TMEM131: variants seen among roughly 807,000 people sequenced by gnomAD.
TMEM131 encodes 2610524E03Rik.
In TMEM131, 66 loss-of-function variants were observed where a neutral mutation model predicts 211.6. The observed-to-expected ratio is 0.31, with a 90% confidence interval of 0.26 to 0.38. TMEM131 has a LOEUF of 0.38. Among genes scored for constraint, TMEM131 ranks in the 10% least tolerant of loss-of-function variants. TMEM131 has a pLI of 1.00. For synonymous variants in TMEM131, 844 were observed against 841.3 expected (o/e 1.00, Z -0.06); for missense variants, 2,036 against 2,299.3 (o/e 0.89, Z 2.34).
chr2:97,832,540 C>T (rs1357060157), intron 11 of TMEM131, among the ~76,000 whole-genome samples: 1 of 152,184 alleles, frequency 6.6e-6, no homozygotes, highest in East Asian at 1.9e-4. Flanking sequence ...GTCTACTCCA[C>T]CAGCTGGTGA....
chr2:97,942,964 AAAAG>A lies in TMEM131; in HGVS notation c.188-15481_188-15478del, dbSNP rs201054611. Among the ~76,000 whole-genome samples the A allele has an allele frequency of 3.1e-3, 448 of 146,060 alleles. 6 individuals are homozygous for A. Among genetic ancestry groups the A allele is most frequent in the African/African-American group, 8.5e-3 (331 of 39,056 alleles). On this transcript the variant is annotated intron_variant, in intron 1 of 40. Transcript: ENST00000186436. The stretch of plus-strand genomic sequence containing the variant: ...TAGCAACATACCATGGCTACAAAAA[AAAAG>A]AAAGAAAGAAAGAAAGAAAAGAAAG...
intron 40 of TMEM131, among the ~76,000 whole-genome samples, chr2:97,757,800 T>C (rs1019051435): frequency 6.6e-6 from 1 of 152,250 alleles, no homozygotes; most frequent in African/African-American, 2.4e-5. Context: ...CATCGGCCTG[T>C]GCACTGCAAT....
intron 30 of TMEM131, 54 bp downstream of exon 30, chr2:97,793,341 T>G: frequency 6.6e-7 from 1 of 1,517,806 alleles, no homozygotes; most frequent in South Asian, 1.3e-5. Flanking sequence ...TATTGTAATT[T>G]TATCAGCCAA....
At chr2:97,967,992 C>T (rs1390878033) in intron 1 of TMEM131, among the ~76,000 whole-genome samples, 1 of 151,842 alleles carries the variant, frequency 6.6e-6, no homozygotes, top group Non-Finnish European at 1.5e-5. Context: ...TGTCTTACTG[C>T]CTAAGACCTC....
intron 7 of TMEM131, among the ~76,000 whole-genome samples, chr2:97,841,493 G>A (rs1241615555): frequency 1.3e-5 from 2 of 152,126 alleles, no homozygotes; most frequent in Non-Finnish European, 2.9e-5. Flanking sequence ...AGTGTTTACA[G>A]GCAAGAAAAA....
chr2:97,885,569 C>T (rs1675120206), intron 4 of TMEM131, among the ~76,000 whole-genome samples: 2 of 152,014 alleles, frequency 1.3e-5, no homozygotes, highest in South Asian at 2.1e-4. Context: ...ACAGGTCCCC[C>T]ACCCCCACTT....
At chr2:97,793,779 G>C (rs911519169) in intron 29 of TMEM131, among the ~76,000 whole-genome samples, 1 of 151,358 alleles carries the variant, frequency 6.6e-6, no homozygotes, top group African/African-American at 2.4e-5. Flanking sequence ...TGGATCACGA[G>C]GTCAGGAGAT....
chr2:97,942,742 A>T (rs1677800779), intron 1 of TMEM131, among the ~76,000 whole-genome samples: 1 of 152,088 alleles, frequency 6.6e-6, no homozygotes, highest in Non-Finnish European at 1.5e-5. Flanking sequence ...TAGCCTAGGG[A>T]CAGGTGGCTT....
In TMEM131 at chr2:97,834,309, C is replaced by T. The variant is rs572579962; in HGVS notation, c.1012+312G>A. Among the ~76,000 whole-genome samples, 8 of 152,234 alleles carry T rather than the reference C, an allele frequency of 5.3e-5. No individual in the cohort carries two copies. In the South Asian group the frequency reaches 1.2e-3, roughly 24 times the overall value. ...TCCAGAAGTAAAAATCAAGATTCAG[C>T]GTAACTGAACTGATGAGCAACTGGA... On this transcript the variant is annotated intron_variant, in intron 10 of 40. Coordinates refer to ENST00000186436, the MANE Select transcript of TMEM131 (RefSeq NM_015348.2).
At chr2:97,840,396 T>C (rs1405743277) in intron 7 of TMEM131, among the ~76,000 whole-genome samples, 1 of 152,234 alleles carries the variant, frequency 6.6e-6, no homozygotes, top group Non-Finnish European at 1.5e-5. Context: ...ACAGCCCTTC[T>C]ACGGCACAGT....
chr2:97,849,624 T>C (rs1277340203), intron 5 of TMEM131, among the ~76,000 whole-genome samples: 1 of 151,756 alleles, frequency 6.6e-6, no homozygotes, highest in East Asian at 1.9e-4. Context: ...TATACTATAA[T>C]TTAAAAACAA....
chr2:97,994,351 TA>T (rs1312054193), intron 1 of TMEM131, among the ~76,000 whole-genome samples: 1 of 152,220 alleles, frequency 6.6e-6, no homozygotes, highest in African/African-American at 2.4e-5. Context: ...TAACTCAGAC[TA>T]AGGTTGCTTA....
intron 5 of TMEM131, among the ~76,000 whole-genome samples, chr2:97,858,520 G>A (rs1187150895): frequency 2.0e-5 from 3 of 152,210 alleles, no homozygotes; most frequent in African/African-American, 7.2e-5. Context: ...CTGTGACTAA[G>A]ATGTAATTAA....
chr2:97,987,428 G>A lies in TMEM131; in HGVS notation c.187+8048C>T, dbSNP rs6705462. ...TGAGGCAGGAGAATCGCTTGAACCC[G>A]GGAGACAGAGGCTGCAGTAAGCTGA... On this transcript the variant is annotated intron_variant, in intron 1 of 40. Coordinates refer to ENST00000186436, the MANE Select transcript of TMEM131 (RefSeq NM_015348.2). 7.1e-3 allele frequency among the ~76,000 whole-genome samples: 1,082 copies of A among 152,098 alleles called. 15 individuals carry two copies. The highest frequency in any genetic ancestry group is 0.024 in the African/African-American group (1,011 of 41,462).
intron 31 of TMEM131, among the ~76,000 whole-genome samples, chr2:97,777,695 T>A (rs554838638): frequency 1.9e-3 from 285 of 152,284 alleles, no homozygotes; most frequent in Middle Eastern, 6.8e-3. Flanking sequence ...AACCATAACT[T>A]GGATAGTAAG....
intron 1 of TMEM131, among the ~76,000 whole-genome samples, chr2:97,970,522 T>A (rs1679251398): frequency 6.6e-6 from 1 of 152,280 alleles, no homozygotes; most frequent in Admixed American, 6.5e-5. Context: ...GGTCCACAAA[T>A]AATTTGCCCA....
intron 31 of TMEM131, among the ~76,000 whole-genome samples, chr2:97,782,330 T>C (rs1282224895): frequency 1.3e-5 from 2 of 152,140 alleles, no homozygotes; most frequent in East Asian, 1.9e-4. Context: ...AATAAAAAGG[T>C]GGCACAACCC....
chr2:97,874,501 G>C (rs571514353), intron 4 of TMEM131, among the ~76,000 whole-genome samples: 1 of 152,350 alleles, frequency 6.6e-6, no homozygotes, highest in Admixed American at 6.5e-5. Context: ...ACAAAGGGAA[G>C]CCCATCAGAC....
At chr2:97,936,038 T>C (rs1249371042) in intron 1 of TMEM131, among the ~76,000 whole-genome samples, 1 of 152,156 alleles carries the variant, frequency 6.6e-6, no homozygotes, top group East Asian at 1.9e-4. Context: ...GAACTGTCTT[T>C]ATCTGATCTG....
Sources: allele counts gnomAD v4.1 joint callset (sites outside exome capture counted in the v4.1 genomes callset), GRCh38; gene constraint gnomAD v4.1.1; transcripts MANE v1.5; gene names NCBI Gene and HGNC (gene_info 2026-07-23, HGNC 2026-07-21).